Variants in HS2ST1 observed in about 807,000 individuals in gnomAD.
HS2ST1 encodes heparan sulfate 2-O-sulfotransferase 1.
HS2ST1 carries 18 observed loss-of-function variants against 42.9 expected under a neutral mutation model. The ratio of observed to expected loss-of-function variants is 0.42; its 90% CI spans 0.29 to 0.62. The LOEUF is 0.62. Ranked by LOEUF, HS2ST1 falls within the 20% of genes least tolerant of loss-of-function variation. The pLI is 0.21. For synonymous variants in HS2ST1, 146 were observed against 152.9 expected (o/e 0.95, Z 0.33); for missense variants, 334 against 433.8 (o/e 0.77, Z 2.04).
chr1:86,990,356 A>G (rs147248726), intron 1 of HS2ST1, among the ~76,000 whole-genome samples: 176 of 152,302 alleles, frequency 1.2e-3, no homozygotes, highest in African/African-American at 4.0e-3. Flanking sequence ...ATGTAGATGT[A>G]GCTAGAAGGT....
chr1:87,102,483 G>A (rs1300285776), intron 5 of HS2ST1, among the ~76,000 whole-genome samples: 1 of 152,156 alleles, frequency 6.6e-6, no homozygotes, highest in Non-Finnish European at 1.5e-5. Flanking sequence ...CTCCCACCAA[G>A]CCCAGCCTCC....
intron 1 of HS2ST1, among the ~76,000 whole-genome samples, chr1:86,977,023 C>T (rs1648433430): frequency 2.0e-5 from 3 of 151,950 alleles, no homozygotes; most frequent in Admixed American, 1.3e-4. Flanking sequence ...GTGTTCCAGC[C>T]TGGGCAACAG....
chr1:87,057,396 C>T (rs1300233156), intron 1 of HS2ST1, among the ~76,000 whole-genome samples: 1 of 152,030 alleles, frequency 6.6e-6, no homozygotes, highest in Non-Finnish European at 1.5e-5. Flanking sequence ...CTGGCTTCTG[C>T]CCACTTTTCT....
chr1:86,947,163 G>T (rs1166223651), intron 1 of HS2ST1, among the ~76,000 whole-genome samples: 5 of 152,176 alleles, frequency 3.3e-5, no homozygotes, highest in African/African-American at 1.2e-4. Flanking sequence ...GCTCCAGAGG[G>T]AGACATACTT....
chr1:86,961,714 T>G (rs912028554), intron 1 of HS2ST1, among the ~76,000 whole-genome samples: 3 of 152,114 alleles, frequency 2.0e-5, no homozygotes, highest in African/African-American at 4.8e-5. Flanking sequence ...AGTTTCAAAA[T>G]TTTTTCATCA....
At chr1:87,047,965 C>T (rs1383237550) in intron 1 of HS2ST1, among the ~76,000 whole-genome samples, 1 of 152,060 alleles carries the variant, frequency 6.6e-6, no homozygotes, top group Non-Finnish European at 1.5e-5. Context: ...TCAATTCATA[C>T]CAAAAAGTGT....
intron 1 of HS2ST1, among the ~76,000 whole-genome samples, chr1:86,937,998 A>G (rs1330289504): frequency 1.3e-5 from 2 of 152,216 alleles, no homozygotes; most frequent in Admixed American, 6.5e-5. Context: ...TACTCAGACA[A>G]TAATCATTGT....
intron 1 of HS2ST1, among the ~76,000 whole-genome samples, chr1:86,954,495 CATTGTAATAGGCTTACCAA>C (rs1279139935): frequency 6.6e-6 from 1 of 152,174 alleles, no homozygotes; most frequent in African/African-American, 2.4e-5. Flanking sequence ...AATATGAACA[CATTGTAATAGGCTTACCAA>C]ATTGTTTAAT....
chr1:86,919,642 G>T (rs1660249412), intron 1 of HS2ST1, among the ~76,000 whole-genome samples: 1 of 152,078 alleles, frequency 6.6e-6, no homozygotes, highest in African/African-American at 2.4e-5. Context: ...TAGGCTTCAA[G>T]GTATCAGTGA....
chr1:86,979,908 A>G (rs2102218921), intron 1 of HS2ST1, among the ~76,000 whole-genome samples: 1 of 152,328 alleles, frequency 6.6e-6, no homozygotes, highest in Admixed American at 6.5e-5. Flanking sequence ...CCTAAAGGTC[A>G]TGAAGTATAT....
intron 1 of HS2ST1, among the ~76,000 whole-genome samples, chr1:86,924,344 A>G (rs1660367072): frequency 6.6e-6 from 1 of 152,068 alleles, no homozygotes; most frequent in Admixed American, 6.5e-5. Context: ...CACGGTGCAA[A>G]CTGTCAGTGG....
intron 1 of HS2ST1, among the ~76,000 whole-genome samples, chr1:86,998,291 C>T (rs1428699391): frequency 6.6e-6 from 1 of 152,158 alleles, no homozygotes; most frequent in Non-Finnish European, 1.5e-5. Context: ...ATTCAACATC[C>T]ACAGGAACAT....
intron 2 of HS2ST1, among the ~76,000 whole-genome samples, chr1:87,083,552 TTA>T (rs1469726737): frequency 6.6e-6 from 1 of 152,216 alleles, no homozygotes; most frequent in Non-Finnish European, 1.5e-5. Flanking sequence ...TAAAATATAC[TTA>T]TATAATTTTT....
chr1:87,037,053 C>A (rs1232290315), intron 1 of HS2ST1, among the ~76,000 whole-genome samples: 2 of 152,018 alleles, frequency 1.3e-5, no homozygotes, highest in African/African-American at 4.8e-5. Context: ...AAGTGAATAT[C>A]ATAAATCAAT....
intron 5 of HS2ST1, among the ~76,000 whole-genome samples, chr1:87,102,988 CT>C (rs748393346): frequency 1.5e-4 from 23 of 152,072 alleles, no homozygotes; most frequent in Non-Finnish European, 1.0e-4. Flanking sequence ...TTTTCTGTTC[CT>C]CAGAAATTTC....
At chr1:87,012,197 C>T (rs1053326581) in intron 1 of HS2ST1, among the ~76,000 whole-genome samples, 22 of 152,118 alleles carry the variant, frequency 1.4e-4, no homozygotes, top group African/African-American at 5.3e-4. Context: ...GATTTTCTAT[C>T]ACTGTCAATA....
rs548580850 is a variant in HS2ST1, at chr1:87,092,923, C to T, written c.588+254C>T. 5.9e-5 allele frequency among the ~76,000 whole-genome samples: 9 copies of T among 152,010 alleles called. No individual in the cohort carries two copies. The South Asian group carries it at 1.9e-3, about 32-fold the overall frequency. On this transcript the variant is annotated intron_variant, in intron 4 of 6. Coordinates refer to ENST00000370550, the MANE Select transcript of HS2ST1 (RefSeq NM_012262.4). ...CGTGTTTTCTTTATGGTTCTATTAA[C>T]AATTTTCTGTGCGATTATTGTAATT...
intron 1 of HS2ST1, among the ~76,000 whole-genome samples, chr1:87,015,136 A>G (rs1238108792): frequency 6.6e-6 from 1 of 152,004 alleles, no homozygotes; most frequent in African/African-American, 2.4e-5. Context: ...GCAACCTCCG[A>G]CTTCTGAGTT....
rs761423535 is a variant in HS2ST1 at position 87,104,632 on chromosome 1, A to G, written c.1007A>G (p.Asp336Gly). ...FIRAHAVREK[D>G]GDLYILAQNF... ...AGAGCCCATGCCGTTCGAGAAAAAGATGGAGACCTCTACATCCTCGCACAA... is the reference window on the plus strand; with the variant it reads ...AGAGCCCATGCCGTTCGAGAAAAAGGTGGAGACCTCTACATCCTCGCACAA... Residue 336 changes from aspartate (D) to glycine (G), a missense_variant, in exon 7 of 7, where the codon GAT becomes GGT. Physicochemically the swap from Asp to Gly is moderately conservative, Grantham distance 94. Coordinates refer to ENST00000370550, the MANE Select transcript of HS2ST1 (RefSeq NM_012262.4). 8 of 1,613,644 alleles carry G rather than the reference A, an allele frequency of 5.0e-6. No homozygotes were observed. In the African/African-American group the frequency reaches 5.3e-5, roughly 11 times the overall value.
Sources: gnomAD v4.1 joint callset for allele counts (sites outside exome capture counted in the v4.1 genomes callset) on GRCh38, gnomAD v4.1.1 for gene constraint, MANE v1.5 for transcripts, NCBI Gene and HGNC (gene_info 2026-07-23, HGNC 2026-07-21) for gene names.